BLTP2: variants seen among roughly 807,000 people sequenced by gnomAD.
The protein encoded by BLTP2 is bridge-like lipid transfer protein family member 2, also known as U937-associated antigen.
the BLTP2 span, chr17:28,617,236 T>C: frequency 1.9e-6 from 3 of 1,613,602 alleles, no homozygotes; most frequent in South Asian, 1.1e-5. Context: ...ACTTGCCTTA[T>C]AGACAGCATT....
the BLTP2 span, chr17:28,640,263 C>T: frequency 4.0e-6 from 2 of 503,412 alleles, no homozygotes; most frequent in Non-Finnish European, 7.1e-6. Flanking sequence ...CGTGGTGGCA[C>T]GTGCCTATAA....
At chr17:28,638,440 T>C in the BLTP2 span, 2 of 1,610,080 alleles carry the variant, frequency 1.2e-6, no homozygotes, top group Non-Finnish European at 1.7e-6. Flanking sequence ...GAAAGAGGGA[T>C]TGCATGGAGC....
chr17:28,624,336 G>A, the BLTP2 span: 16 of 1,614,054 alleles, frequency 9.9e-6, no homozygotes, highest in South Asian at 1.5e-4. Context: ...TTCCTCTTCT[G>A]TGAACACTAC....
the BLTP2 span, chr17:28,645,092 C>T: frequency 1.9e-6 from 3 of 1,560,838 alleles, no homozygotes; most frequent in South Asian, 2.3e-5. Context: ...GCCCCGGCCC[C>T]CGCCATGCCG....
the BLTP2 span, chr17:28,616,140 T>G: frequency 6.2e-7 from 1 of 1,614,194 alleles, no homozygotes; most frequent in Non-Finnish European, 8.5e-7. This position sits in a 1 kb window ranked among gnomAD's most constrained non-coding sequence, Gnocchi z 4.8. Flanking sequence ...TTTATGTAGA[T>G]GAAGGAGTTG....
chr17:28,619,433 C>T, the BLTP2 span, among the ~76,000 whole-genome samples: 3 of 151,810 alleles, frequency 2.0e-5, no homozygotes, highest in African/African-American at 7.3e-5. Context: ...GAGTTCCAGA[C>T]CAGCCTGGTC....
the BLTP2 span, chr17:28,624,244 C>T: frequency 6.2e-7 from 1 of 1,613,966 alleles, no homozygotes; most frequent in East Asian, 2.2e-5. Flanking sequence ...TGACAGTTGA[C>T]CAATTCAATA....
At chr17:28,615,937 T>G in the BLTP2 span, 7 of 1,081,664 alleles carry the variant, frequency 6.5e-6, no homozygotes, top group African/African-American at 3.1e-5. Context: ...TACCTCAGCC[T>G]CGTAATGATG....
At chr17:28,631,604 G>C in the BLTP2 span, 2 of 1,614,136 alleles carry the variant, frequency 1.2e-6, no homozygotes, top group African/African-American at 2.7e-5. Context: ...GCCATCAGGT[G>C]AACGGTCACC....
the BLTP2 span, among the ~76,000 whole-genome samples, chr17:28,619,404 G>A: frequency 1.3e-5 from 2 of 152,020 alleles, no homozygotes; most frequent in Admixed American, 6.6e-5. Context: ...GCCAAGGCAG[G>A]AGGACTGCTT....
At chr17:28,621,602 C>G in the BLTP2 span, 1 of 786,880 alleles carries the variant, frequency 1.3e-6, no homozygotes, top group Non-Finnish European at 2.2e-6. Context: ...CACTTACTAT[C>G]TGGACCTCCA....
the BLTP2 span, chr17:28,619,843 C>A: frequency 1.2e-6 from 2 of 1,613,718 alleles, no homozygotes; most frequent in Non-Finnish European, 1.7e-6. Flanking sequence ...CTCAAACTAT[C>A]TATCTGCAGT....
At chr17:28,639,768 TTC>T in the BLTP2 span, 5 of 1,424,876 alleles carry the variant, frequency 3.5e-6, no homozygotes, top group South Asian at 1.2e-5. Flanking sequence ...TGGGGCTATT[TTC>T]TCTCAGTATG....
At chr17:28,631,738 C>A in the BLTP2 span, 3 of 1,604,626 alleles carry the variant, frequency 1.9e-6, no homozygotes, top group Non-Finnish European at 2.6e-6. Flanking sequence ...TAGTGTAAGA[C>A]AGAGATGGAG....
chr17:28,620,666 G>C, the BLTP2 span: 1 of 1,608,804 alleles, frequency 6.2e-7, no homozygotes, highest in South Asian at 1.1e-5. Flanking sequence ...AAAGGCTCAA[G>C]TTTCTACCTA....
At chr17:28,645,103 G>T in the BLTP2 span, 2 of 1,537,938 alleles carry the variant, frequency 1.3e-6, no homozygotes, top group Non-Finnish European at 1.8e-6. Context: ...CGCCATGCCG[G>T]GCCCCGACGC....
chr17:28,625,970 G>A, the BLTP2 span, among the ~76,000 whole-genome samples: 1 of 152,152 alleles, frequency 6.6e-6, no homozygotes, highest in Non-Finnish European at 1.5e-5. Context: ...TCACCATGGT[G>A]GCCAGGCTGG....
At chr17:28,639,211 G>A in the BLTP2 span, 3 of 1,167,626 alleles carry the variant, frequency 2.6e-6, no homozygotes, top group South Asian at 2.5e-5. Flanking sequence ...GATTTGAGGA[G>A]GTCAAACAAC....
chr17:28,638,160 C>T, the BLTP2 span: 31 of 1,598,204 alleles, frequency 1.9e-5, no homozygotes, highest in African/African-American at 3.5e-4. Flanking sequence ...TGCCCTAATG[C>T]ACTTCCTGCT....
Sources: allele counts gnomAD v4.1 joint callset (sites outside exome capture counted in the v4.1 genomes callset), GRCh38; gene constraint gnomAD v4.1.1; non-coding constraint Gnocchi (gnomAD v3.1); transcripts MANE v1.5; gene names NCBI Gene and HGNC (gene_info 2026-07-23, HGNC 2026-07-21).